The following ZC3H12B variants were observed in gnomAD, a reference collection of about 807,000 sequenced individuals.
ZC3H12B encodes the protein probable ribonuclease ZC3H12B.
In ZC3H12B, 7 loss-of-function variants were observed where a neutral mutation model predicts 43.9. The observed-to-expected ratio is 0.16, with a 90% CI of 0.09 to 0.30. ZC3H12B has a LOEUF of 0.30. ZC3H12B is among the 10% of genes least tolerant of loss of function. The pLI, the probability that ZC3H12B is intolerant of heterozygous loss-of-function variation, is 1.00. For missense variants in ZC3H12B, 475 were observed against 670.2 expected, an observed-to-expected ratio of 0.71 and a Z score of 3.22; for synonymous variants, 222 against 241.7, an observed-to-expected ratio of 0.92 and a Z score of 0.76.
the ZC3H12B span, among the ~76,000 whole-genome samples, chrX:65,347,307 G>A: frequency 9.0e-6 from 1 of 111,292 alleles, no homozygotes; most frequent in Admixed American, 9.5e-5. Flanking sequence ...AGAGACCAAA[G>A]GTAGATAAAA....
chrX:65,173,931 G>C, the ZC3H12B span, among the ~76,000 whole-genome samples: 1 of 110,974 alleles, frequency 9.0e-6, no homozygotes, highest in African/African-American at 3.3e-5. Flanking sequence ...CTTATGTGGG[G>C]GTCCTTTTTT....
intron 3 of ZC3H12B, among the ~76,000 whole-genome samples, chrX:65,471,893 G>C (rs1021471856): frequency 8.9e-6 from 1 of 111,736 alleles, no homozygotes. Context: ...TTTCTTCATT[G>C]TGTTATTATT....
the ZC3H12B span, among the ~76,000 whole-genome samples, chrX:65,300,798 A>T: frequency 9.0e-6 from 1 of 111,434 alleles, no homozygotes; most frequent in South Asian, 3.8e-4. Context: ...ACAAAATTAG[A>T]ACCATACCCT....
chrX:65,377,551 G>A (rs745409069), intron 2 of ZC3H12B, among the ~76,000 whole-genome samples: 5 of 110,350 alleles, frequency 4.5e-5, no homozygotes, highest in South Asian at 3.8e-4. Context: ...ATACAGTAGC[G>A]CCACAATACA....
the ZC3H12B span, among the ~76,000 whole-genome samples, chrX:65,219,073 G>A: frequency 3.6e-5 from 4 of 111,359 alleles, no homozygotes; most frequent in African/African-American, 9.8e-5. Flanking sequence ...AAGAGAAATA[G>A]CAGTCGCTGC....
At chrX:65,079,395 G>T in the ZC3H12B span, among the ~76,000 whole-genome samples, 8 of 112,148 alleles carry the variant, frequency 7.1e-5, no homozygotes, top group Non-Finnish European at 1.1e-4. Flanking sequence ...CAGTAACCAA[G>T]GAGTGGTTAC....
At chrX:65,368,930 G>A (rs34776582) in exon 2 of ZC3H12B, 33 of 111,976 alleles carry the variant, frequency 2.9e-4, no homozygotes, top group African/African-American at 1.0e-3. Context: ...TGGACTACAG[G>A]CCTCCAAAGA....
At chrX:65,325,108 C>A in the ZC3H12B span, among the ~76,000 whole-genome samples, 2 of 110,382 alleles carry the variant, frequency 1.8e-5, no homozygotes, top group East Asian at 5.7e-4. Flanking sequence ...TATTTCTACC[C>A]CAAATCTCTT....
the ZC3H12B span, among the ~76,000 whole-genome samples, chrX:65,326,805 TA>T: frequency 9.0e-5 from 10 of 111,538 alleles, no homozygotes; most frequent in Non-Finnish European, 1.9e-4. Context: ...ACTCAATTTT[TA>T]AAAAGAAATG....
At chrX:65,052,462 C>A in the ZC3H12B span, among the ~76,000 whole-genome samples, 4 of 110,620 alleles carry the variant, frequency 3.6e-5, no homozygotes, top group South Asian at 1.6e-3. Context: ...CCACCTCCCC[C>A]CAGAACCCTA....
At chrX:65,056,235 A>C in the ZC3H12B span, among the ~76,000 whole-genome samples, 1 of 111,109 alleles carries the variant, frequency 9.0e-6, no homozygotes, top group Non-Finnish European at 1.9e-5. Context: ...TTAGTGGTAT[A>C]AGTTTCCCTC....
chrX:65,426,529 C>A (rs1204325730), intron 3 of ZC3H12B, among the ~76,000 whole-genome samples: 1 of 107,967 alleles, frequency 9.3e-6, no homozygotes, highest in East Asian at 2.9e-4. Flanking sequence ...GGTTCATTTT[C>A]TCTTGGTTCT....
At chrX:65,314,709 A>G in the ZC3H12B span, among the ~76,000 whole-genome samples, 1 of 111,537 alleles carries the variant, frequency 9.0e-6, no homozygotes, top group African/African-American at 3.3e-5. Context: ...TAATTCAGAA[A>G]TGAAGAGCAA....
At chrX:65,230,305 T>A in the ZC3H12B span, among the ~76,000 whole-genome samples, 1 of 109,595 alleles carries the variant, frequency 9.1e-6, no homozygotes, top group Non-Finnish European at 1.9e-5. Context: ...AAACATGCAT[T>A]TTCTCACTCA....
At chrX:65,142,523 CTTTGTTTTTATTACA>C in the ZC3H12B span, among the ~76,000 whole-genome samples, 1 of 112,109 alleles carries the variant, frequency 8.9e-6, no homozygotes, top group Non-Finnish European at 1.9e-5. Flanking sequence ...AGCAATTTAT[CTTTGTTTTTATTACA>C]TTTGCTTTTG....
At chrX:65,222,554 T>G in the ZC3H12B span, among the ~76,000 whole-genome samples, 1 of 107,122 alleles carries the variant, frequency 9.3e-6, no homozygotes, top group Non-Finnish European at 1.9e-5. Flanking sequence ...CAATAGCAAC[T>G]AAGCTGAGAA....
chrX:65,370,617 A>G (rs923551762), intron 2 of ZC3H12B, among the ~76,000 whole-genome samples: 1 of 111,789 alleles, frequency 8.9e-6, no homozygotes, highest in Non-Finnish European at 1.9e-5. Flanking sequence ...AAATAACATG[A>G]CCTTCAGCCT....
the ZC3H12B span, among the ~76,000 whole-genome samples, chrX:65,173,521 C>T: frequency 8.9e-6 from 1 of 111,741 alleles, no homozygotes; most frequent in South Asian, 3.7e-4. Flanking sequence ...TGAATGCTTC[C>T]AACTTTTGGC....
At chrX:65,187,575 A>G in the ZC3H12B span, among the ~76,000 whole-genome samples, 1 of 111,281 alleles carries the variant, frequency 9.0e-6, no homozygotes, top group Non-Finnish European at 1.9e-5. Flanking sequence ...AGTCTATGGT[A>G]GAATGACTTT....
Sources: allele counts gnomAD v4.1 joint callset (sites outside exome capture counted in the v4.1 genomes callset), GRCh38; gene constraint gnomAD v4.1.1; transcripts MANE v1.5; gene names NCBI Gene and HGNC (gene_info 2026-07-23, HGNC 2026-07-21).